CHST15: variants seen among roughly 807,000 people sequenced by gnomAD.
CHST15 encodes B cell RAG associated protein (GALNAC4S-6ST).
CHST15 carries 30 observed loss-of-function variants against 53.6 expected under a neutral mutation model. The observed-to-expected ratio is 0.56, with a 90% CI of 0.42 to 0.76. The LOEUF is 0.76. CHST15 is among the 30% of genes least tolerant of loss of function. CHST15 has a pLI of 0.00. For synonymous variants in CHST15, 296 were observed against 289.8 expected, an observed-to-expected ratio of 1.02 and a Z score of -0.22; for missense variants, 627 against 740.5, an observed-to-expected ratio of 0.85 and a Z score of 1.78.
chr10:124,059,996 C>T (rs1948506397), intron 1 of CHST15, among the ~76,000 whole-genome samples: 1 of 152,104 alleles, frequency 6.6e-6, no homozygotes, highest in African/African-American at 2.4e-5. Flanking sequence ...CATTTTCTGC[C>T]CCCAGACAGA....
intron 5 of CHST15, among the ~76,000 whole-genome samples, chr10:124,026,498 G>A (rs1057092690): frequency 1.1e-4 from 17 of 152,344 alleles, no homozygotes; most frequent in African/African-American, 3.8e-4. Flanking sequence ...TGTGGAACAA[G>A]ATGAAACGTA....
At chr10:124,046,831 T>C (rs1046083694) in intron 1 of CHST15, 107 bp from the exon 2 acceptor site, 4 of 152,262 alleles carry the variant, frequency 2.6e-5, no homozygotes, top group African/African-American at 4.8e-5. Context: ...CACCTCTAAG[T>C]CCAGCCAAGC....
intron 1 of CHST15, among the ~76,000 whole-genome samples, chr10:124,047,118 T>C (rs1277371930): frequency 6.6e-6 from 1 of 152,194 alleles, no homozygotes; most frequent in Non-Finnish European, 1.5e-5. Flanking sequence ...AGGGATGGAT[T>C]GAAATATCAG....
At chr10:124,069,371 C>A (rs1948842699) in intron 1 of CHST15, among the ~76,000 whole-genome samples, 2 of 152,156 alleles carry the variant, frequency 1.3e-5, no homozygotes, top group South Asian at 4.1e-4. Context: ...TGGGGGACCC[C>A]CCCCCCAACT....
intron 5 of CHST15, among the ~76,000 whole-genome samples, chr10:124,030,286 C>T (rs1947176818): frequency 1.3e-5 from 2 of 152,134 alleles, no homozygotes; most frequent in South Asian, 4.1e-4. Flanking sequence ...ACAGCTCAGT[C>T]CTATTAAAGT....
intron 5 of CHST15, among the ~76,000 whole-genome samples, chr10:124,032,952 A>G (rs1947283712): frequency 6.6e-6 from 1 of 152,218 alleles, no homozygotes; most frequent in African/African-American, 2.4e-5. Context: ...AACTAAAAAT[A>G]AAAGTGGTAT....
chr10:124,059,630 A>C (rs999324790), intron 1 of CHST15, among the ~76,000 whole-genome samples: 10 of 152,176 alleles, frequency 6.6e-5, no homozygotes, highest in African/African-American at 1.7e-4. Context: ...TCTCGCATGG[A>C]CACATAGCTC....
In CHST15 at chr10:124,012,447, G is replaced by T. The variant is rs1946443488; in HGVS notation, c.1381C>A (p.Leu461Ile). 6.2e-7 allele frequency: 1 copy of T among 1,614,138 alleles called. No homozygotes were observed. The highest frequency in any genetic ancestry group is 8.5e-7 in the Non-Finnish European group (1 of 1,180,030). The change falls in exon 7 of 8, where the codon CTT becomes ATT. Residue 461 changes from leucine to isoleucine, a missense_variant. By Grantham distance (5) the Leu-to-Ile change is conservative. This residue lies in a region of CHST15 where 279 missense variants were observed against 371.6 expected (regional missense o/e 0.75). Transcript: ENST00000435907. ...TCAAAAACGCTGAGCCAGTCCAGAA[G>T]GTACACAGCATAGAGCCCAACCTGG... is the stretch of plus-strand genomic sequence containing the variant. ...RLQVGLYAVY[L>I]LDWLSVFDKQ...
intron 1 of CHST15, among the ~76,000 whole-genome samples, chr10:124,054,153 C>T (rs567413289): frequency 5.9e-5 from 9 of 152,288 alleles, no homozygotes; most frequent in African/African-American, 1.9e-4. Flanking sequence ...CTTCCTTCCT[C>T]TCCCTGAGCA....
In CHST15 at chr10:124,027,900, G is replaced by A. The variant is rs539303950; in HGVS notation, c.1191-6488C>T. Among the ~76,000 whole-genome samples the A allele has an allele frequency of 2.4e-4, 36 of 152,330 alleles. 1 individual carries two copies. Among genetic ancestry groups the A allele is most frequent in the Admixed American group, 1.8e-3 (28 of 15,306 alleles). ...CCCCTGCCCTCCGAGCTTAGGCAAG[G>A]AGACGAATCCACGGCTGACTAGAGT... is the stretch of plus-strand genomic sequence containing the variant. On this transcript the variant is annotated intron_variant, in intron 5 of 7. Transcript: ENST00000435907.
intron 6 of CHST15, among the ~76,000 whole-genome samples, chr10:124,018,124 C>T (rs1318557370): frequency 6.6e-6 from 1 of 152,232 alleles, no homozygotes; most frequent in Admixed American, 6.5e-5. Flanking sequence ...GGACAACACT[C>T]CTATTTGGTT....
At chr10:124,082,355 T>A (rs562035924) in intron 1 of CHST15, among the ~76,000 whole-genome samples, 1 of 152,264 alleles carries the variant, frequency 6.6e-6, no homozygotes, top group East Asian at 1.9e-4. Context: ...TCTCTGGCCC[T>A]CAGCTTCCCC....
chr10:124,024,870 T>C lies in CHST15; in HGVS notation c.1191-3458A>G, dbSNP rs998772974. On this transcript the variant is annotated intron_variant, in intron 5 of 7. Transcript: ENST00000435907. The surrounding 1 kb of genome is among the most constrained non-coding windows in gnomAD (Gnocchi z 4.0). ...CATTTCCTATGAGTCCTGTCAATAA[T>C]ATGGCTCAGCCCAAGAAACTACGTC... Among the ~76,000 whole-genome samples the C allele has an allele frequency of 3.9e-5, 6 of 152,196 alleles. No individual in the cohort carries two copies. Among genetic ancestry groups the C allele is most frequent in the Non-Finnish European group, 1.5e-5 (1 of 68,038 alleles).
At chr10:124,029,403 T>A (rs909340555) in intron 5 of CHST15, among the ~76,000 whole-genome samples, 1 of 152,186 alleles carries the variant, frequency 6.6e-6, no homozygotes, top group African/African-American at 2.4e-5. Context: ...AACGCCCAAA[T>A]GAATGGCAGG....
Position 124,008,494 on chromosome 10 carries a change from G to C in CHST15, c.*1655C>G, listed in dbSNP as rs143135052. ...TATAGAGAAGGTGGGGACTGTCCCT[G>C]CAAGTGGGAGTTCAGGACACACGCT... On this transcript the variant is annotated 3_prime_UTR_variant, in exon 8 of 8. Transcript: ENST00000435907. 3.3e-5 allele frequency: 33 copies of C among 993,864 alleles called. No individual in the cohort carries two copies. In the East Asian group the frequency reaches 3.2e-3, roughly 96 times the overall value. The allele number at this position is 993,864 out of a possible 1,614,324, so 61.6% of individuals were successfully genotyped here.
At chr10:124,051,247 A>C (rs769197786) in intron 1 of CHST15, among the ~76,000 whole-genome samples, 8 of 152,174 alleles carry the variant, frequency 5.3e-5, no homozygotes, top group Non-Finnish European at 1.2e-4. Context: ...CCTGGCCTCA[A>C]AAGAATTTTT....
At chr10:124,032,569 T>C (rs1422948676) in intron 5 of CHST15, among the ~76,000 whole-genome samples, 1 of 152,202 alleles carries the variant, frequency 6.6e-6, no homozygotes, top group African/African-American at 2.4e-5. Flanking sequence ...TAATGTGAGA[T>C]GCATTTGAAA....
intron 1 of CHST15, among the ~76,000 whole-genome samples, chr10:124,046,935 CA>C (rs1285491549): frequency 1.3e-5 from 2 of 152,190 alleles, no homozygotes; most frequent in East Asian, 3.8e-4. Flanking sequence ...TTTCTGCCAC[CA>C]AACATGGCCC....
intron 1 of CHST15, among the ~76,000 whole-genome samples, chr10:124,081,142 A>C (rs748319915): frequency 7.6e-4 from 115 of 152,264 alleles, no homozygotes; most frequent in Non-Finnish European, 2.9e-4. Context: ...GAATCTGAAC[A>C]TGAAACTCAA....
Sources: allele counts gnomAD v4.1 joint callset (sites outside exome capture counted in the v4.1 genomes callset), GRCh38; gene constraint gnomAD v4.1.1; regional missense constraint gnomAD v4.1.1; non-coding constraint Gnocchi (gnomAD v3.1); transcripts MANE v1.5; gene names NCBI Gene and HGNC (gene_info 2026-07-23, HGNC 2026-07-21).